RICTOR: variants seen among roughly 807,000 people sequenced by gnomAD.
The protein encoded by RICTOR is rapamycin-insensitive companion of mTOR.
In RICTOR, 49 loss-of-function variants were observed where a neutral mutation model predicts 214.9. That is an observed-to-expected ratio of 0.23 (90% CI 0.18 to 0.29). RICTOR has a LOEUF of 0.29. Ranked by LOEUF, RICTOR falls within the 10% of genes least tolerant of loss-of-function variation. RICTOR has a pLI of 1.00. For missense variants in RICTOR, 1,625 were observed against 2,047.0 expected (o/e 0.79, Z 3.98); for synonymous variants, 717 against 711.3 (o/e 1.01, Z -0.13).
chr5:39,019,210 T>C (rs1181618644), intron 3 of RICTOR, among the ~76,000 whole-genome samples: 1 of 152,182 alleles, frequency 6.6e-6, no homozygotes, highest in African/African-American at 2.4e-5. Context: ...TAGGTGCCGA[T>C]ACAGAAGCTG....
chr5:38,943,157 G>GTTT, intron 36 of RICTOR, 186 bp from the exon 37 acceptor site: 3 of 305,980 alleles, frequency 9.8e-6, no homozygotes, highest in South Asian at 7.8e-5. Flanking sequence ...TCTGAGTTTG[G>GTTT]GTTTTTTTTT....
chr5:38,946,342 TATAATTTTAA>T, intron 33 of RICTOR, 116 bp downstream of exon 33: 1 of 634,760 alleles, frequency 1.6e-6, no homozygotes, highest in Non-Finnish European at 2.8e-6. Flanking sequence ...ATTGTTTTGG[TATAATTTTAA>T]AGTTGATCCA....
At chr5:39,051,042 T>TACACACACACACACACACAC (rs111723153) in intron 2 of RICTOR, among the ~76,000 whole-genome samples, 1 of 145,654 alleles carries the variant, frequency 6.9e-6, no homozygotes, top group South Asian at 2.2e-4. Context: ...TACATATATA[T>TACACACACACACACACACAC]ACACACACAC....
chr5:38,950,179 G>T lies in RICTOR; in HGVS notation c.3669C>A (p.Asp1223Glu). Residue 1223 changes from aspartate (D) to glutamate (E), a missense_variant, in exon 31 of 38, where the codon GAC becomes GAA. By Grantham distance (45) the Asp-to-Glu change is conservative (BLOSUM62 2). Coordinates refer to ENST00000357387, the MANE Select transcript of RICTOR (RefSeq NM_152756.5). ...MKIRSQSFNTDTTTSGISSMS... is the reference protein window; with the variant it reads ...MKIRSQSFNTETTTSGISSMS... Reference sequence around the variant, plus strand: ...TTGAACTTATGCCACTTGTTGTAGTGTCTGTATTGAAACTTTGGCTACGTA... The same window carrying T: ...TTGAACTTATGCCACTTGTTGTAGTTTCTGTATTGAAACTTTGGCTACGTA... The T allele has an allele frequency of 6.2e-7, 1 of 1,613,380 alleles. No individual in the cohort carries two copies. Among genetic ancestry groups the T allele is most frequent in the Non-Finnish European group, 8.5e-7 (1 of 1,179,556 alleles).
At chr5:39,064,905 T>C (rs1013245493) in intron 2 of RICTOR, among the ~76,000 whole-genome samples, 3 of 152,102 alleles carry the variant, frequency 2.0e-5, no homozygotes, top group Non-Finnish European at 4.4e-5. Flanking sequence ...GTAGTATGCA[T>C]TTTAGAGGTG....
In RICTOR at chr5:38,991,942, C is replaced by T. The variant is rs910571731; in HGVS notation, c.457-867G>A. 7.2e-5 allele frequency among the ~76,000 whole-genome samples: 11 copies of T among 151,980 alleles called. No individual in the cohort carries two copies. In the South Asian group the frequency reaches 1.0e-3, roughly 14 times the overall value. ...AAAATATTAGAGAAAATTAATTTGA[C>T]CCAGATATTACTAGATTTATTGTCC... On this transcript the variant is annotated intron_variant, in intron 6 of 37. Coordinates refer to ENST00000357387, the MANE Select transcript of RICTOR (RefSeq NM_152756.5).
At chr5:39,004,984 T>G (rs1372802115) in intron 3 of RICTOR, among the ~76,000 whole-genome samples, 1 of 152,108 alleles carries the variant, frequency 6.6e-6, no homozygotes, top group Non-Finnish European at 1.5e-5. Context: ...TTTCTCCATG[T>G]TGGTCAGGCT....
At chr5:38,972,062 A>G (rs1750832256) in intron 10 of RICTOR, 103 bp from the exon 11 acceptor site, 5 of 591,902 alleles carry the variant, frequency 8.4e-6, no homozygotes, top group Middle Eastern at 4.3e-4. Flanking sequence ...AGGCAAAATT[A>G]TATGATTATG....
intron 6 of RICTOR, among the ~76,000 whole-genome samples, chr5:38,995,669 T>C (rs981673630): frequency 6.6e-6 from 1 of 152,134 alleles, no homozygotes; most frequent in Non-Finnish European, 1.5e-5. Context: ...TCCCTAACAT[T>C]ATAAATACTG....
At chr5:38,943,909 T>A (rs61236223) in intron 36 of RICTOR, among the ~76,000 whole-genome samples, 1 of 152,042 alleles carries the variant, frequency 6.6e-6, no homozygotes, top group South Asian at 2.1e-4. Flanking sequence ...AAGAAAAAAA[T>A]TAAACCAAGA....
intron 2 of RICTOR, among the ~76,000 whole-genome samples, chr5:39,056,393 G>C (rs1432493366): frequency 6.6e-6 from 1 of 152,120 alleles, no homozygotes; most frequent in South Asian, 2.1e-4. Flanking sequence ...CAGCACTTTT[G>C]GGGGGCCAAG....
At chr5:39,050,487 C>A (rs1217714230) in intron 2 of RICTOR, among the ~76,000 whole-genome samples, 1 of 152,092 alleles carries the variant, frequency 6.6e-6, no homozygotes, top group Non-Finnish European at 1.5e-5. Context: ...CAGGTGCACA[C>A]TGCCACACCC....
chr5:38,994,619 G>C (rs1346630296), intron 6 of RICTOR, among the ~76,000 whole-genome samples: 1 of 151,976 alleles, frequency 6.6e-6, no homozygotes, highest in East Asian at 1.9e-4. Context: ...CCAAATATCA[G>C]CAATTTTCCT....
intron 2 of RICTOR, among the ~76,000 whole-genome samples, chr5:39,031,906 T>C (rs901588121): frequency 6.6e-6 from 1 of 152,198 alleles, no homozygotes; most frequent in Non-Finnish European, 1.5e-5. Flanking sequence ...CAAAACTATC[T>C]CCACTAGCGA....
intron 2 of RICTOR, among the ~76,000 whole-genome samples, chr5:39,029,686 C>T (rs898483340): frequency 6.6e-6 from 1 of 152,164 alleles, no homozygotes; most frequent in African/African-American, 2.4e-5. Context: ...CACCCCTAAA[C>T]CATGTAGCCT....
At chr5:38,960,105 G>A in intron 20 of RICTOR, 127 bp from the exon 21 acceptor site, 1 of 715,752 alleles carries the variant, frequency 1.4e-6, no homozygotes, top group South Asian at 1.7e-5. Flanking sequence ...ATCAATCAGT[G>A]AGTACCTGTT....
intron 2 of RICTOR, among the ~76,000 whole-genome samples, chr5:39,054,174 T>C (rs1266967221): frequency 6.6e-6 from 1 of 151,958 alleles, no homozygotes; most frequent in Non-Finnish European, 1.5e-5. Context: ...CGGGATCACA[T>C]TCACTTAAAA....
intron 11 of RICTOR, among the ~76,000 whole-genome samples, chr5:38,968,988 T>C (rs1247924677): frequency 2.5e-5 from 1 of 40,762 alleles, no homozygotes; most frequent in Non-Finnish European, 5.4e-5. Context: ...TTTTTTTTTT[T>C]TTGAGGCAGT....
Position 38,939,265 on chromosome 5 carries a change from A to C in RICTOR, c.*3039T>G. On this transcript the variant is annotated 3_prime_UTR_variant, in exon 38 of 38. Coordinates refer to ENST00000357387, the MANE Select transcript of RICTOR (RefSeq NM_152756.5). ...CGTTGTGATATGCCCTGAAAAACTC[A>C]GCTTGAATTATCTCAAGCTCTAGAT... 4.3e-6 allele frequency: 1 copy of C among 232,786 alleles called. No homozygotes were observed. Among genetic ancestry groups the C allele is most frequent in the Non-Finnish European group, 8.5e-6 (1 of 117,606 alleles). 14.4% of individuals were successfully genotyped at this position (232,786 alleles called of 1,614,324 possible).
Sources: allele counts gnomAD v4.1 joint callset (sites outside exome capture counted in the v4.1 genomes callset), GRCh38; gene constraint gnomAD v4.1.1; transcripts MANE v1.5; gene names NCBI Gene and HGNC (gene_info 2026-07-23, HGNC 2026-07-21).